CDC45: variants seen among roughly 807,000 people sequenced by gnomAD.
CDC45 encodes cell division cycle 45.
Under a neutral mutation model 77.8 loss-of-function variants are expected in CDC45, and 54 were observed. That is an observed-to-expected ratio of 0.69 (90% CI 0.56 to 0.87). CDC45 has a LOEUF of 0.87. Ranked by LOEUF, CDC45 falls within the 40% of genes least tolerant of loss-of-function variation. The pLI, the probability that CDC45 is intolerant of heterozygous loss-of-function variation, is 0.00. For missense variants in CDC45, 649 were observed against 721.6 expected, an observed-to-expected ratio of 0.90 and a Z score of 1.15; for synonymous variants, 260 against 272.1, an observed-to-expected ratio of 0.96 and a Z score of 0.44.
Position 19,516,949 on chromosome 22 carries a change from G to A in CDC45, c.1636+56G>A, listed in dbSNP as rs1933833933. The A allele has an allele frequency of 4.2e-6, 6 of 1,419,034 alleles. 1 individual carries two copies. The South Asian group carries it at 5.8e-5, about 14-fold the overall frequency. 87.9% of individuals were successfully genotyped at this position (1,419,034 alleles called of 1,614,324 possible). A position where few individuals can be genotyped will look rare whatever the true frequency, so the allele number is the denominator to read the frequency against. ...TCCCACCTGACCCTTTGAGGCTATT[G>A]CAGGCCCTGGAACCAAGCAAGTTGG... On this transcript the variant is annotated intron_variant, in intron 17 of 18. Transcript: ENST00000263201.
chr22:19,489,966 C>T (rs945601987), intron 5 of CDC45, among the ~76,000 whole-genome samples: 3 of 152,326 alleles, frequency 2.0e-5, no homozygotes, highest in East Asian at 1.9e-4. Context: ...CTCTCTTGTG[C>T]GCACACATTT....
intron 15 of CDC45, among the ~76,000 whole-genome samples, chr22:19,515,413 C>T (rs1443488919): frequency 6.6e-6 from 1 of 152,146 alleles, no homozygotes; most frequent in Non-Finnish European, 1.5e-5. Flanking sequence ...CTGTGCCTGG[C>T]TTTGTCTTCT....
At chr22:19,489,767 T>C (rs186541259) in intron 5 of CDC45, among the ~76,000 whole-genome samples, 1 of 152,338 alleles carries the variant, frequency 6.6e-6, no homozygotes, top group East Asian at 1.9e-4. Context: ...TGTTGTTGGG[T>C]AGAGTTTTTT....
rs538622564 is a variant in CDC45 at position 19,509,936 on chromosome 22, T to C, written c.1217+1245T>C. Among the ~76,000 whole-genome samples the C allele has an allele frequency of 9.8e-5, 15 of 152,294 alleles. 1 individual carries two copies. The East Asian group carries it at 2.9e-3, about 29-fold the overall frequency. On this transcript the variant is annotated intron_variant, in intron 13 of 18. Transcript: ENST00000263201. ...TGCCATACAATTCACCCATTTAAAA[T>C]GTACAATGTGATGGCTTTTATTTAT...
chr22:19,519,357 G>A (rs9606045), intron 18 of CDC45, among the ~76,000 whole-genome samples: 6,760 of 152,306 alleles, frequency 0.044, 244 homozygotes, highest in South Asian at 0.16. Context: ...GTTGGCAGCC[G>A]CTTAGCTGGG....
intron 5 of CDC45, among the ~76,000 whole-genome samples, chr22:19,489,607 T>C (rs1179963924): frequency 6.6e-6 from 1 of 152,234 alleles, no homozygotes; most frequent in Non-Finnish European, 1.5e-5. Flanking sequence ...TGTGCAGTTT[T>C]CAGTGTATAA....
chr22:19,512,349 ACTACCTCTTGG>A (rs1420768720), intron 13 of CDC45, among the ~76,000 whole-genome samples: 2 of 152,110 alleles, frequency 1.3e-5, no homozygotes, highest in Non-Finnish European at 2.9e-5. Flanking sequence ...CTTAGGTCTC[ACTACCTCTTGG>A]CTTTCTCTCG....
In CDC45 at chr22:19,500,912, C is replaced by G. The variant is rs377191611; in HGVS notation, c.704+1761C>G. Among the ~76,000 whole-genome samples the G allele has an allele frequency of 2.6e-4, 39 of 152,330 alleles. 1 individual carries two copies. The South Asian group carries it at 7.9e-3, about 31-fold the overall frequency. ...ATTTTGGAGGCCGGGCGCGATGGCT[C>G]ACCCCTGTAATCCCAGCACTTTGGG... On this transcript the variant is annotated intron_variant, in intron 9 of 18. Coordinates refer to ENST00000263201, the MANE Select transcript of CDC45 (RefSeq NM_003504.5).
intron 9 of CDC45, among the ~76,000 whole-genome samples, chr22:19,504,214 G>C (rs190539001): frequency 9.2e-5 from 14 of 152,374 alleles, no homozygotes; most frequent in African/African-American, 3.1e-4. Context: ...AGAGTTTCAT[G>C]ATTGCAGGGC....
chr22:19,502,689 T>C lies in CDC45; in HGVS notation c.705-2673T>C, dbSNP rs142703822. On this transcript the variant is annotated intron_variant, in intron 9 of 18. Transcript: ENST00000263201. ...TCAGTGAAGGCTGTGAACTAAAATT[T>C]TGAATAAAGCAGTTTCTATAGCAGT... Among the ~76,000 whole-genome samples the C allele has an allele frequency of 8.1e-3, 1,235 of 152,350 alleles. 16 individuals carry two copies. Among genetic ancestry groups the C allele is most frequent in the African/African-American group, 0.028 (1,161 of 41,578 alleles).
At chr22:19,510,349 G>A (rs1233471819) in intron 13 of CDC45, among the ~76,000 whole-genome samples, 2 of 152,162 alleles carry the variant, frequency 1.3e-5, no homozygotes, top group African/African-American at 2.4e-5. Context: ...TGTTGCCCCA[G>A]AGAGATCCTC....
At chr22:19,512,502 T>A (rs1933571349) in intron 13 of CDC45, among the ~76,000 whole-genome samples, 1 of 152,182 alleles carries the variant, frequency 6.6e-6, no homozygotes, top group Non-Finnish European at 1.5e-5. Context: ...GGTTTTGCAA[T>A]CTAGTTGCTC....
intron 9 of CDC45, among the ~76,000 whole-genome samples, chr22:19,502,872 TTAA>T (rs1211345524): frequency 6.6e-6 from 1 of 152,136 alleles, no homozygotes; most frequent in Non-Finnish European, 1.5e-5. Context: ...TACCAGTAGC[TTAA>T]TAATACCAGA....
intron 9 of CDC45, among the ~76,000 whole-genome samples, chr22:19,501,926 A>T (rs1039836910): frequency 6.6e-6 from 1 of 152,084 alleles, no homozygotes; most frequent in Non-Finnish European, 1.5e-5. Flanking sequence ...TTTGTTGCCC[A>T]GGCTGCTCTC....
In CDC45 at chr22:19,494,510, C is replaced by T. The variant is rs775533667; in HGVS notation, c.542+128C>T. ...GAGTTTAGAACCTTTGGGCCAGTGG[C>T]TCTGGGAGTGAACCTGTGGCCGCTG... On this transcript the variant is annotated intron_variant, in intron 6 of 18. Coordinates refer to ENST00000263201, the MANE Select transcript of CDC45 (RefSeq NM_003504.5). 12 of 1,552,426 alleles carry T rather than the reference C, an allele frequency of 7.7e-6. No individual in the cohort carries two copies. In the South Asian group the frequency reaches 1.2e-4, roughly 15 times the overall value.
At chr22:19,479,806 C>T, upstream of CDC45, 1 of 734,430 alleles carries the variant, frequency 1.4e-6, no homozygotes, top group Non-Finnish European at 2.3e-6. Context: ...TAATGGCCGC[C>T]TCCAATGTGG....
chr22:19,480,355 C>CA, intron 2 of CDC45, 138 bp downstream of exon 2: 1 of 801,180 alleles, frequency 1.2e-6, no homozygotes. Flanking sequence ...AGGTGAACAG[C>CA]AAGTGAGAGG....
In CDC45 at chr22:19,482,791, G is replaced by A. The variant is rs1200131564; in HGVS notation, c.306G>A (p.Arg102=). Residue 102 remains arginine (R), a synonymous_variant, in exon 4 of 19, where the codon AGG becomes AGA. Coordinates refer to ENST00000263201, the MANE Select transcript of CDC45 (RefSeq NM_003504.5). The stretch of plus-strand genomic sequence containing the variant: ...TATTCTTTGTGTGTGACACCCATAG[G>A]CCAGTCAATGTCGTCAATGTATACA... ...DTIFFVCDTH[R]PVNVVNVYND... The A allele has an allele frequency of 6.2e-7, 1 of 1,613,922 alleles. No homozygotes were observed. Among genetic ancestry groups the A allele is most frequent in the Non-Finnish European group, 8.5e-7 (1 of 1,179,856 alleles).
rs13447222 is a variant in CDC45, at chr22:19,497,252, A to G, written c.592-134A>G. 241 of 738,194 alleles carry G rather than the reference A, an allele frequency of 3.3e-4. 3 individuals are homozygous for G. The South Asian group carries it at 3.7e-3, about 11-fold the overall frequency. The allele number at this position is 738,194 out of a possible 1,614,324, so 45.7% of individuals were successfully genotyped here. ...ACATGTCGGGCTGGAATCCACCCAC[A>G]TGCCCTGGCCAGGTAGACCCTCCAT... On this transcript the variant is annotated intron_variant, in intron 7 of 18. Transcript: ENST00000263201.
Sources: allele counts gnomAD v4.1 joint callset (sites outside exome capture counted in the v4.1 genomes callset), GRCh38; gene constraint gnomAD v4.1.1; transcripts MANE v1.5; gene names NCBI Gene and HGNC (gene_info 2026-07-23, HGNC 2026-07-21).